PTPRD: variants seen among roughly 807,000 people sequenced by gnomAD.
The protein encoded by PTPRD is protein tyrosine phosphatase receptor type D, also known as receptor-type tyrosine-protein phosphatase delta.
Under a neutral mutation model 214.5 loss-of-function variants are expected in PTPRD, and 34 were observed. The observed-to-expected ratio is 0.16, with a 90% CI of 0.12 to 0.21. The LOEUF (loss-of-function observed/expected upper bound fraction) is 0.21, where lower values mean the gene tolerates loss of function less well. Ranked by LOEUF, PTPRD falls within the 10% of genes least tolerant of loss-of-function variation. PTPRD has a pLI of 1.00. For missense variants in PTPRD, 2,545 were observed against 2,398.7 expected, an observed-to-expected ratio of 1.06 and a Z score of -1.27; for synonymous variants, 1,128 against 845.7, an observed-to-expected ratio of 1.33 and a Z score of -5.79.
chr9:9,843,342 A>C (rs972749087), intron 5 of PTPRD, among the ~76,000 whole-genome samples: 10 of 152,022 alleles, frequency 6.6e-5, no homozygotes, highest in Admixed American at 1.3e-4. Context: ...AAAGGTGCAA[A>C]TGTATCACAT....
intron 2 of PTPRD, among the ~76,000 whole-genome samples, chr9:10,430,667 C>G (rs1352087839): frequency 6.6e-6 from 1 of 151,646 alleles, no homozygotes; most frequent in African/African-American, 2.4e-5. Flanking sequence ...TTAATTATGC[C>G]TGAGTTCTAT....
chr9:9,410,236 G>A (rs1273124697), intron 8 of PTPRD, among the ~76,000 whole-genome samples: 1 of 152,080 alleles, frequency 6.6e-6, no homozygotes, highest in Non-Finnish European at 1.5e-5. Context: ...TTCAGTAATG[G>A]GTGCTTGAAA....
chr9:10,097,348 C>T (rs4599866), intron 3 of PTPRD, among the ~76,000 whole-genome samples: 10,529 of 78,846 alleles, frequency 0.13, 1,288 homozygotes, highest in African/African-American at 0.24. Flanking sequence ...ATTTTCACAA[C>T]ATTGATTCTT....
intron 11 of PTPRD, among the ~76,000 whole-genome samples, chr9:8,934,308 A>G (rs1322277786): frequency 6.8e-6 from 1 of 147,680 alleles, no homozygotes; most frequent in Admixed American, 6.9e-5. Context: ...GAACTACCGA[A>G]ATCAAGCCCT....
chr9:8,407,417 A>AT (rs1235427868), intron 35 of PTPRD, among the ~76,000 whole-genome samples: 1 of 152,148 alleles, frequency 6.6e-6, no homozygotes, highest in African/African-American at 2.4e-5. Flanking sequence ...TACTTAAGTA[A>AT]TTTGGCTAAG....
chr9:10,516,583 C>T (rs1388654686), intron 2 of PTPRD, among the ~76,000 whole-genome samples: 1 of 151,910 alleles, frequency 6.6e-6, no homozygotes, highest in Non-Finnish European at 1.5e-5. Context: ...TTTATGTAGA[C>T]ATACTTGTTT....
Position 8,376,678 on chromosome 9 carries a change from G to A in PTPRD, c.4435C>T (p.Leu1479Phe), listed in dbSNP as rs2083348017. 1 of 1,613,104 alleles carries A rather than the reference G, an allele frequency of 6.2e-7. No individual in the cohort carries two copies. The highest frequency in any genetic ancestry group is 8.5e-7 in the Non-Finnish European group (1 of 1,179,384). Residue 1479 changes from leucine (L) to phenylalanine (F), a missense_variant, in exon 38 of 46, where the codon CTC (leucine) becomes TTC (phenylalanine). By Grantham distance (22) the Leu-to-Phe change is conservative. Coordinates refer to ENST00000381196, the MANE Select transcript of PTPRD (RefSeq NM_002839.4). ...WPSRGTETHG[L>F]VQVTLLDTVE... ...GTATCAAGCAGCGTTACTTGAACGA[G>A]TCCGTGGGTTTCTGTGCCTCTGCTA...
chr9:10,489,665 C>A (rs1304795569), intron 2 of PTPRD, among the ~76,000 whole-genome samples: 1 of 152,146 alleles, frequency 6.6e-6, no homozygotes, highest in Non-Finnish European at 1.5e-5. Flanking sequence ...TCTTGCAGAT[C>A]CTCAAGTTCG....
At chr9:8,612,965 A>G (rs377020564) in intron 14 of PTPRD, among the ~76,000 whole-genome samples, 26 of 152,324 alleles carry the variant, frequency 1.7e-4, no homozygotes, top group African/African-American at 5.5e-4. Flanking sequence ...CTGATTAGGT[A>G]TTAAAACTTA....
At chr9:9,441,387 C>T (rs2087703921) in intron 8 of PTPRD, among the ~76,000 whole-genome samples, 1 of 152,070 alleles carries the variant, frequency 6.6e-6, no homozygotes, top group Admixed American at 6.5e-5. Flanking sequence ...AAATAAACTG[C>T]TAGACAAAAG....
chr9:9,788,738 A>T (rs1014003144), intron 5 of PTPRD, among the ~76,000 whole-genome samples: 2 of 152,108 alleles, frequency 1.3e-5, no homozygotes, highest in Non-Finnish European at 2.9e-5. Context: ...CCAGGTGGTT[A>T]TAACATTTTA....
chr9:10,019,020 T>C (rs1247231537), intron 4 of PTPRD, among the ~76,000 whole-genome samples: 1 of 152,012 alleles, frequency 6.6e-6, no homozygotes, highest in South Asian at 2.1e-4. Context: ...ATTTTTGCAA[T>C]CTACTCATCT....
At chr9:9,998,619 A>C (rs1322110479) in intron 4 of PTPRD, among the ~76,000 whole-genome samples, 3 of 152,136 alleles carry the variant, frequency 2.0e-5, no homozygotes, top group Admixed American at 6.5e-5. Context: ...TACACTCAAC[A>C]TAATGTGGCA....
chr9:8,716,509 A>G (rs1597809560), intron 12 of PTPRD, among the ~76,000 whole-genome samples: 1 of 152,294 alleles, frequency 6.6e-6, no homozygotes, highest in Admixed American at 6.5e-5. Flanking sequence ...GTATTGAGAA[A>G]TTTTATTCAT....
chr9:10,542,234 A>G (rs995148538), intron 2 of PTPRD, among the ~76,000 whole-genome samples: 5 of 152,126 alleles, frequency 3.3e-5, no homozygotes, highest in African/African-American at 1.2e-4. Context: ...ATCTCTGGTA[A>G]TTCTGCATCA....
chr9:8,833,715 T>C (rs200101202), intron 11 of PTPRD, among the ~76,000 whole-genome samples: 59,638 of 133,124 alleles, frequency 0.45, 13,651 homozygotes, highest in African/African-American at 0.61. Flanking sequence ...TATATATATA[T>C]ACACACACAC....
At chr9:8,615,065 G>A (rs2095566096) in intron 14 of PTPRD, among the ~76,000 whole-genome samples, 2 of 152,084 alleles carry the variant, frequency 1.3e-5, no homozygotes, top group Middle Eastern at 3.2e-3. Flanking sequence ...CTGCCAACCT[G>A]CTTTGATAAT....
Position 9,464,450 on chromosome 9 carries a change from T to C in PTPRD, c.-236-66968A>G, listed in dbSNP as rs191268073. Among the ~76,000 whole-genome samples the C allele has an allele frequency of 1.2e-3, 188 of 152,318 alleles. 1 individual carries two copies. The highest frequency in any genetic ancestry group is 4.3e-3 in the African/African-American group (180 of 41,578). On this transcript the variant is annotated intron_variant, in intron 8 of 45. Coordinates refer to ENST00000381196, the MANE Select transcript of PTPRD (RefSeq NM_002839.4). ...CTGTTTAATTATAGAAACAAAATTA[T>C]CATTAACTCTTGCCTAATTTTCATC...
In PTPRD at chr9:9,632,077, T is replaced by C. The variant is rs565152326; in HGVS notation, c.-286-57296A>G. Among the ~76,000 whole-genome samples the C allele has an allele frequency of 1.9e-3, 289 of 152,340 alleles. 8 individuals are homozygous for C. Among genetic ancestry groups the C allele is most frequent in the Middle Eastern group, 6.8e-3 (2 of 294 alleles). ...ATAGCATGACAGAAAAGAGTTAATA[T>C]GTCCACATGAAAACTTGTATGTGTA... On this transcript the variant is annotated intron_variant, in intron 7 of 45. Coordinates refer to ENST00000381196, the MANE Select transcript of PTPRD (RefSeq NM_002839.4).
Sources: gnomAD v4.1 joint callset for allele counts (sites outside exome capture counted in the v4.1 genomes callset) on GRCh38, gnomAD v4.1.1 for gene constraint, MANE v1.5 for transcripts, NCBI Gene and HGNC (gene_info 2026-07-23, HGNC 2026-07-21) for gene names.